The following MICAL2 variants were observed in gnomAD, a reference collection of about 807,000 sequenced individuals.
MICAL2 encodes [F-actin]-monooxygenase MICAL2.
MICAL2 carries 77 observed loss-of-function variants against 127.3 expected under a neutral mutation model. The ratio of observed to expected loss-of-function variants is 0.60; its 90% CI spans 0.50 to 0.73. MICAL2 has a LOEUF of 0.73. Among genes scored for constraint, MICAL2 ranks in the 30% least tolerant of loss-of-function variants. The pLI is 0.00. For synonymous variants in MICAL2, 570 were observed against 551.1 expected (o/e 1.03, Z -0.48); for missense variants, 1,351 against 1,434.4 (o/e 0.94, Z 0.94).
intron 33 of MICAL2, among the ~76,000 whole-genome samples, chr11:12,352,263 C>T (rs1939062401): frequency 6.6e-6 from 1 of 152,180 alleles, no homozygotes; most frequent in African/African-American, 2.4e-5. Flanking sequence ...AAAAATTTAT[C>T]AAGCACATTC....
intron 32 of MICAL2, among the ~76,000 whole-genome samples, chr11:12,328,274 A>G (rs1864376867): frequency 6.6e-6 from 1 of 152,200 alleles, no homozygotes; most frequent in Non-Finnish European, 1.5e-5. Context: ...GTAAAGAGGT[A>G]ATCCACAATA....
chr11:12,318,974 A>T (rs1359008307), intron 29 of MICAL2, among the ~76,000 whole-genome samples: 3 of 152,160 alleles, frequency 2.0e-5, no homozygotes, highest in Non-Finnish European at 4.4e-5. Context: ...CCTATCTTAA[A>T]CTGCCTTTCC....
At chr11:12,271,500 T>C (rs1420465046), upstream of MICAL2, among the ~76,000 whole-genome samples, 1 of 152,180 alleles carries the variant, frequency 6.6e-6, no homozygotes, top group Non-Finnish European at 1.5e-5. Context: ...GTGCACTCAC[T>C]GGCTGGCCTG....
upstream of MICAL2, among the ~76,000 whole-genome samples, chr11:12,271,888 T>C (rs1188343313): frequency 6.6e-6 from 1 of 152,080 alleles, no homozygotes. Flanking sequence ...TCTGGGCACA[T>C]TGGCAAAAGG....
chr11:12,338,282 C>T (rs144026210), intron 32 of MICAL2, among the ~76,000 whole-genome samples: 1,916 of 152,054 alleles, frequency 0.013, 35 homozygotes, highest in African/African-American at 0.043. Flanking sequence ...GCAACCCCTG[C>T]CTTTTTTTGT....
Position 12,208,067 on chromosome 11 carries a change from C to G in MICAL2, c.517C>G (p.Leu173Val), listed in dbSNP as rs767744187. ...QLILFKVALM[L>V]GVEIHVNVEF... is the part of the protein sequence containing the mutation. ...CATCCTATTCAAGGTGGCCCTGATG[C>G]TGGGAGTTGAAATCCATGTGAATGT... Residue 173 changes from leucine to valine, a missense_variant, in exon 5 of 28, where the codon CTG (leucine) becomes GTG (valine). Leu to Val is a conservative substitution (Grantham distance 32). Transcript: ENST00000683283. 18 of 1,614,190 alleles carry G rather than the reference C, an allele frequency of 1.1e-5. No individual in the cohort carries two copies. Among genetic ancestry groups the G allele is most frequent in the Non-Finnish European group, 1.4e-5 (17 of 1,180,028 alleles).
At chr11:12,120,968 G>A (rs1458508510) in intron 1 of MICAL2, among the ~76,000 whole-genome samples, 1 of 152,222 alleles carries the variant, frequency 6.6e-6, no homozygotes, top group Non-Finnish European at 1.5e-5. Flanking sequence ...GTAAGGCTGG[G>A]CCCCCAAAAA....
intron 27 of MICAL2, 129 bp downstream of exon 27, chr11:12,262,666 T>A: frequency 1.3e-6 from 1 of 797,724 alleles, no homozygotes; most frequent in Non-Finnish European, 2.1e-6. Flanking sequence ...TGGACTCATT[T>A]GGTGGCATGG....
intron 3 of MICAL2, among the ~76,000 whole-genome samples, chr11:12,166,795 CA>C (rs1468950237): frequency 1.3e-5 from 2 of 152,088 alleles, no homozygotes; most frequent in Admixed American, 6.5e-5. Flanking sequence ...CTGACTGTGA[CA>C]GGGGTAGTCT....
chr11:12,212,522 C>A (rs1855611082), intron 6 of MICAL2, among the ~76,000 whole-genome samples: 1 of 152,150 alleles, frequency 6.6e-6, no homozygotes, highest in African/African-American at 2.4e-5. Flanking sequence ...AGCTAGAATT[C>A]CATTTATTCA....
At chr11:12,206,296 T>C (rs1251539512) in intron 4 of MICAL2, among the ~76,000 whole-genome samples, 1 of 152,182 alleles carries the variant, frequency 6.6e-6, no homozygotes, top group Non-Finnish European at 1.5e-5. Context: ...TCTGCCCTCA[T>C]TGATGGGGCT....
At chr11:12,266,846 C>T (rs904801939), downstream of MICAL2, among the ~76,000 whole-genome samples, 1 of 152,210 alleles carries the variant, frequency 6.6e-6, no homozygotes, top group Non-Finnish European at 1.5e-5. Flanking sequence ...CTAAGGATGC[C>T]TCTAGTGTAG....
At chr11:12,195,156 T>A (rs925204666) in intron 3 of MICAL2, among the ~76,000 whole-genome samples, 9 of 151,600 alleles carry the variant, frequency 5.9e-5, no homozygotes, top group Admixed American at 1.3e-4. Context: ...ACTAGGGAGG[T>A]TGAGGTGGGA....
intron 12 of MICAL2, 73 bp downstream of exon 12, chr11:12,223,574 G>A (rs375898675): frequency 6.0e-5 from 83 of 1,373,704 alleles, no homozygotes; most frequent in African/African-American, 6.0e-4. Context: ...CTCAGTGACC[G>A]TGGTGACACA....
chr11:12,213,160 T>A, intron 6 of MICAL2, 95 bp from the exon 7 acceptor site: 1 of 1,404,468 alleles, frequency 7.1e-7, no homozygotes, highest in East Asian at 2.3e-5. Context: ...TTCACTGGCC[T>A]GGGAGGCATC....
chr11:12,176,485 CT>C (rs1214162652), intron 3 of MICAL2, among the ~76,000 whole-genome samples: 4 of 152,128 alleles, frequency 2.6e-5, no homozygotes, highest in African/African-American at 9.7e-5. Flanking sequence ...TGTGACACAA[CT>C]TTTTTTAACA....
chr11:12,269,507 C>A (rs765107499), intron 24 of MICAL2, among the ~76,000 whole-genome samples: 2 of 152,218 alleles, frequency 1.3e-5, no homozygotes, highest in African/African-American at 4.8e-5. Flanking sequence ...CGTGTGCCCC[C>A]ACCCCTCACC....
chr11:12,247,206 A>G (rs1860875249), intron 21 of MICAL2, among the ~76,000 whole-genome samples: 1 of 152,184 alleles, frequency 6.6e-6, no homozygotes. Context: ...GGCTGTGTGC[A>G]TGTAAACCCT....
chr11:12,123,768 T>G (rs1192766254), intron 1 of MICAL2, among the ~76,000 whole-genome samples: 2 of 152,204 alleles, frequency 1.3e-5, no homozygotes, highest in South Asian at 2.1e-4. Flanking sequence ...TCCTGCATCT[T>G]CTTCCAGATT....
Sources: allele counts gnomAD v4.1 joint callset (sites outside exome capture counted in the v4.1 genomes callset), GRCh38; gene constraint gnomAD v4.1.1; transcripts MANE v1.5; gene names NCBI Gene and HGNC (gene_info 2026-07-23, HGNC 2026-07-21).